TARBP1: variants seen among roughly 807,000 people sequenced by gnomAD.
TARBP1 encodes tRNA (guanosine(18)-2'-O)-methyltransferase TARBP1.
A neutral mutation model predicts 178.6 loss-of-function variants in TARBP1; 144 were observed. The ratio of observed to expected loss-of-function variants is 0.81; its 90% CI spans 0.70 to 0.93. The LOEUF (loss-of-function observed/expected upper bound fraction) is 0.93. Among genes scored for constraint, TARBP1 ranks in the 40% least tolerant of loss-of-function variants. TARBP1 has a pLI of 0.00. For synonymous variants in TARBP1, 787 were observed against 781.0 expected, an observed-to-expected ratio of 1.01 and a Z score of -0.13; for missense variants, 2,067 against 2,011.7, an observed-to-expected ratio of 1.03 and a Z score of -0.53.
intron 3 of TARBP1, among the ~76,000 whole-genome samples, chr1:234,468,314 C>T (rs1394220585): frequency 6.6e-6 from 1 of 151,996 alleles, no homozygotes; most frequent in African/African-American, 2.4e-5. Flanking sequence ...ATCAGCCAGG[C>T]ATGGTGGTGT....
intron 14 of TARBP1, among the ~76,000 whole-genome samples, chr1:234,431,865 T>A (rs1030304663): frequency 2.0e-5 from 3 of 152,058 alleles, no homozygotes; most frequent in African/African-American, 7.2e-5. Flanking sequence ...TGGCCAGGCG[T>A]GGTGGCTCAC....
chr1:234,452,301 G>A (rs1666864769), intron 9 of TARBP1, among the ~76,000 whole-genome samples: 1 of 152,134 alleles, frequency 6.6e-6, no homozygotes, highest in South Asian at 2.1e-4. Flanking sequence ...CACAGACTGG[G>A]AGAAAATATT....
intron 21 of TARBP1, among the ~76,000 whole-genome samples, chr1:234,420,192 T>C (rs1013063953): frequency 3.9e-5 from 6 of 152,218 alleles, no homozygotes; most frequent in Admixed American, 1.3e-4. Context: ...TGGATAAAGA[T>C]ACTTTGTTGT....
At chr1:234,395,771 C>A (rs1175041344) in intron 26 of TARBP1, among the ~76,000 whole-genome samples, 1 of 152,042 alleles carries the variant, frequency 6.6e-6, no homozygotes, top group Non-Finnish European at 1.5e-5. Context: ...AGACTGGGCC[C>A]GTGAAAACCT....
At chr1:234,472,355 A>T (rs4920181) in intron 2 of TARBP1, among the ~76,000 whole-genome samples, 2 of 136,190 alleles carry the variant, frequency 1.5e-5, no homozygotes, top group East Asian at 2.4e-4. Context: ...AAAAAAAAAA[A>T]AACTCAAAAG....
At chr1:234,393,051 C>CA (rs1659555736) in intron 28 of TARBP1, among the ~76,000 whole-genome samples, 1 of 152,076 alleles carries the variant, frequency 6.6e-6, no homozygotes, top group Middle Eastern at 3.2e-3. Context: ...ATTATTCCTA[C>CA]ATCAAGAGTG....
intron 26 of TARBP1, among the ~76,000 whole-genome samples, chr1:234,395,500 G>C (rs74685944): frequency 0.014 from 2,157 of 152,260 alleles, 47 homozygotes; most frequent in African/African-American, 0.049. Context: ...AGCAAAAACA[G>C]GACAAGAACG....
At chr1:234,426,882 C>A (rs1199600150) in intron 19 of TARBP1, among the ~76,000 whole-genome samples, 2 of 152,092 alleles carry the variant, frequency 1.3e-5, no homozygotes, top group Non-Finnish European at 2.9e-5. Context: ...AAACCAAAAA[C>A]TTCAGAGTCT....
rs1366476492 is a variant in TARBP1 at position 234,467,567 on chromosome 1, C to T, written c.1183G>A (p.Gly395Ser). The T allele has an allele frequency of 3.1e-6, 5 of 1,607,750 alleles. No individual in the cohort carries two copies. Among genetic ancestry groups the T allele is most frequent in the Non-Finnish European group, 4.2e-6 (5 of 1,178,186 alleles). The change falls in exon 4 of 30, where the codon GGT becomes AGT. Residue 395 changes from glycine (G) to serine (S), a missense_variant. Transcript: ENST00000040877. Reference sequence around the variant, plus strand: ...TACAGCTCCAAAAAATGGATAACACCTTCTTTGGACAGGATTTTGTTTTCA... The same window carrying T: ...TACAGCTCCAAAAAATGGATAACACTTTCTTTGGACAGGATTTTGTTTTCA... ...ESENKILSKE[G>S]VIHFLELYET...
At chr1:234,460,502 C>T in intron 6 of TARBP1, 106 bp from the exon 7 acceptor site, 1 of 1,129,870 alleles carries the variant, frequency 8.9e-7, no homozygotes. Context: ...TAGTAAGGCT[C>T]CACTTCCCAC....
Position 234,463,383 on chromosome 1 carries a change from C to G in TARBP1, c.1399+454G>C, listed in dbSNP as rs574107580. 1.2e-4 allele frequency among the ~76,000 whole-genome samples: 19 copies of G among 152,312 alleles called. 1 individual carries two copies. The highest frequency in any genetic ancestry group is 3.4e-3 in the Middle Eastern group (1 of 294). ...AGGTGATCTGTCTGCCTCGGCCTCC[C>G]AAAGTGCTGGGATTCCAGGCGGGAG... On this transcript the variant is annotated intron_variant, in intron 6 of 29. Transcript: ENST00000040877.
chr1:234,454,229 G>C (rs1667069866), intron 9 of TARBP1, among the ~76,000 whole-genome samples: 1 of 152,148 alleles, frequency 6.6e-6, no homozygotes, highest in South Asian at 2.1e-4. Context: ...CAATTTTAAA[G>C]CTATGCCTAC....
chr1:234,476,049 A>T (rs1465332840), intron 1 of TARBP1, among the ~76,000 whole-genome samples: 1 of 152,238 alleles, frequency 6.6e-6, no homozygotes, highest in Non-Finnish European at 1.5e-5. Context: ...CTCCATAGCC[A>T]AACACTACAA....
intron 26 of TARBP1, among the ~76,000 whole-genome samples, chr1:234,396,201 G>A (rs1659918701): frequency 6.6e-6 from 1 of 152,170 alleles, no homozygotes. Flanking sequence ...TGCCATTCCA[G>A]TAACACTGTA....
intron 1 of TARBP1, among the ~76,000 whole-genome samples, chr1:234,474,553 G>A (rs1053217638): frequency 6.6e-6 from 1 of 152,070 alleles, no homozygotes; most frequent in Non-Finnish European, 1.5e-5. Context: ...GAATGCTAGA[G>A]CCACTGATCC....
intron 26 of TARBP1, among the ~76,000 whole-genome samples, chr1:234,394,360 G>A (rs1659702429): frequency 6.6e-6 from 1 of 152,202 alleles, no homozygotes; most frequent in African/African-American, 2.4e-5. Context: ...AAAGTGATGA[G>A]GACACAGAAC....
intron 8 of TARBP1, among the ~76,000 whole-genome samples, chr1:234,458,359 A>T (rs920911407): frequency 3.9e-5 from 6 of 152,066 alleles, no homozygotes; most frequent in Non-Finnish European, 5.9e-5. Flanking sequence ...AAAAAAAGTG[A>T]TTATTTTCAA....
chr1:234,405,702 C>T (rs1053510098), intron 24 of TARBP1, among the ~76,000 whole-genome samples: 2 of 152,136 alleles, frequency 1.3e-5, no homozygotes, highest in Non-Finnish European at 2.9e-5. Context: ...AATAAGAGGT[C>T]AAGGTGGAGC....
Position 234,479,127 on chromosome 1 carries a change from C to T in TARBP1, c.-24G>A. 1 of 1,510,870 alleles carries T rather than the reference C, an allele frequency of 6.6e-7. No individual in the cohort carries two copies. Among genetic ancestry groups the T allele is most frequent in the Non-Finnish European group, 8.7e-7 (1 of 1,143,268 alleles). 93.6% of individuals were successfully genotyped at this position (1,510,870 alleles called of 1,614,324 possible). The stretch of plus-strand genomic sequence containing the variant: ...ATTTGCCGAGCGCCCGCGCCACCGG[C>T]CCGGGCTCCCAAAGGAAGGCGCCGG... On this transcript the variant is annotated 5_prime_UTR_variant, in exon 1 of 30. Transcript: ENST00000040877.
Sources: allele counts gnomAD v4.1 joint callset (sites outside exome capture counted in the v4.1 genomes callset), GRCh38; gene constraint gnomAD v4.1.1; transcripts MANE v1.5; gene names NCBI Gene and HGNC (gene_info 2026-07-23, HGNC 2026-07-21).